DLG2: variants seen among roughly 807,000 people sequenced by gnomAD.
The protein encoded by DLG2 is disks large homolog 2.
A neutral mutation model predicts 132.5 loss-of-function variants in DLG2; 45 were observed. That is an observed-to-expected ratio of 0.34 (90% CI 0.27 to 0.44). The LOEUF (loss-of-function observed/expected upper bound fraction) is 0.44. DLG2 is among the 20% of genes least tolerant of loss of function. DLG2 has a pLI of 1.00. For missense variants in DLG2, 1,045 were observed against 1,196.9 expected (o/e 0.87, Z 1.87); for synonymous variants, 424 against 419.6 (o/e 1.01, Z -0.13).
At chr11:83,613,928 G>A (rs1394894754) in intron 19 of DLG2, among the ~76,000 whole-genome samples, 1 of 152,158 alleles carries the variant, frequency 6.6e-6, no homozygotes, top group Non-Finnish European at 1.5e-5. Flanking sequence ...AGACATCAAG[G>A]TTTTGAAGAG....
At chr11:84,037,502 T>C (rs914934694) in intron 11 of DLG2, among the ~76,000 whole-genome samples, 19 of 152,180 alleles carry the variant, frequency 1.2e-4, no homozygotes, top group African/African-American at 4.6e-4. Flanking sequence ...AGACTGTTTA[T>C]ATAACATATT....
At chr11:85,221,507 C>G (rs2152608637) in intron 4 of DLG2, among the ~76,000 whole-genome samples, 1 of 152,340 alleles carries the variant, frequency 6.6e-6, no homozygotes, top group African/African-American at 2.4e-5. Context: ...CACTATAACT[C>G]AGCATCTTGT....
intron 3 of DLG2, among the ~76,000 whole-genome samples, chr11:85,463,372 T>C (rs2092678611): frequency 6.6e-6 from 1 of 152,122 alleles, no homozygotes; most frequent in South Asian, 2.1e-4. Flanking sequence ...TAGCAGAAAA[T>C]GTCTATGAAA....
chr11:85,618,422 A>T (rs1417507701), intron 2 of DLG2, among the ~76,000 whole-genome samples: 1 of 152,256 alleles, frequency 6.6e-6, no homozygotes, highest in Non-Finnish European at 1.5e-5. Flanking sequence ...GAACAGTGAG[A>T]AATTTACTTA....
chr11:85,356,572 A>G (rs1457983921), intron 3 of DLG2, among the ~76,000 whole-genome samples: 2 of 152,212 alleles, frequency 1.3e-5, no homozygotes, highest in Non-Finnish European at 2.9e-5. Flanking sequence ...TTCACTTACA[A>G]CAAAGAATGA....
intron 6 of DLG2, among the ~76,000 whole-genome samples, chr11:85,107,927 TAAAAAAAAAAA>T (rs5793156): frequency 2.3e-4 from 6 of 26,276 alleles, no homozygotes; most frequent in East Asian, 2.8e-3. Flanking sequence ...GGACAAGTCT[TAAAAAAAAAAA>T]AAAAAAAAAA....
At chr11:84,028,058 A>G (rs2095588491) in intron 11 of DLG2, among the ~76,000 whole-genome samples, 1 of 151,974 alleles carries the variant, frequency 6.6e-6, no homozygotes, top group South Asian at 2.1e-4. Flanking sequence ...AGATTAAAAA[A>G]AAAAAAAACA....
At chr11:83,808,651 T>C (rs2046513602) in intron 17 of DLG2, among the ~76,000 whole-genome samples, 1 of 152,166 alleles carries the variant, frequency 6.6e-6, no homozygotes, top group Non-Finnish European at 1.5e-5. Flanking sequence ...TAAATCATCA[T>C]CCTCTATCTT....
intron 18 of DLG2, among the ~76,000 whole-genome samples, chr11:83,651,109 G>T (rs1372043944): frequency 6.6e-6 from 1 of 151,968 alleles, no homozygotes; most frequent in Non-Finnish European, 1.5e-5. Flanking sequence ...ACTCTATGGA[G>T]GAAGACATTA....
intron 6 of DLG2, among the ~76,000 whole-genome samples, chr11:84,998,081 A>G (rs1312836680): frequency 2.0e-5 from 3 of 151,994 alleles, no homozygotes; most frequent in Non-Finnish European, 2.9e-5. Context: ...ATGGTACCTC[A>G]TATTTGCTGC....
chr11:85,322,279 T>C (rs1274504670), intron 3 of DLG2, among the ~76,000 whole-genome samples: 2 of 152,132 alleles, frequency 1.3e-5, no homozygotes, highest in Non-Finnish European at 2.9e-5. Context: ...TTATATTCCT[T>C]GGTCCATCAC....
intron 8 of DLG2, among the ~76,000 whole-genome samples, chr11:84,202,798 C>A (rs944974384): frequency 2.6e-5 from 4 of 152,004 alleles, no homozygotes; most frequent in Admixed American, 6.6e-5. Flanking sequence ...AAAAAGTGGG[C>A]AAAGTACAAG....
chr11:83,832,799 T>C (rs1267008623), intron 17 of DLG2, among the ~76,000 whole-genome samples: 2 of 152,202 alleles, frequency 1.3e-5, no homozygotes, highest in Non-Finnish European at 2.9e-5. Flanking sequence ...GCTTAATACA[T>C]TGTTGCTGAT....
At chr11:84,935,801 C>T (rs1742297846) in intron 6 of DLG2, among the ~76,000 whole-genome samples, 1 of 152,186 alleles carries the variant, frequency 6.6e-6, no homozygotes, top group Non-Finnish European at 1.5e-5. Flanking sequence ...TTCCCTTCTA[C>T]CTGTACCCCA....
chr11:85,024,108 T>C (rs568880463), intron 6 of DLG2, among the ~76,000 whole-genome samples: 2 of 152,260 alleles, frequency 1.3e-5, no homozygotes, highest in African/African-American at 4.8e-5. Flanking sequence ...AAAAGTGGAT[T>C]ATAATTAAAC....
chr11:84,227,681 G>A (rs1374172543), intron 8 of DLG2, among the ~76,000 whole-genome samples: 2 of 152,048 alleles, frequency 1.3e-5, no homozygotes, highest in Non-Finnish European at 2.9e-5. Context: ...CAGCACTTTG[G>A]GAGGCCAATG....
chr11:85,350,068 C>A (rs1432172105), intron 3 of DLG2, among the ~76,000 whole-genome samples: 1 of 152,212 alleles, frequency 6.6e-6, no homozygotes, highest in Non-Finnish European at 1.5e-5. Flanking sequence ...TCCTGTCCAG[C>A]ATCTGTTGTT....
rs142216897 is a variant in DLG2, at chr11:85,096,184, A to G, written c.357+15477T>C. ...CAATCAGCAGGATGTGGGCGGGGCC[A>G]AATAAGGGAATAAAAGCTGGCCACC... is the stretch of plus-strand genomic sequence containing the variant. On this transcript the variant is annotated intron_variant, in intron 6 of 27. Coordinates refer to ENST00000376104, the MANE Select transcript of DLG2 (RefSeq NM_001142699.3). Among the ~76,000 whole-genome samples, 16 of 152,342 alleles carry G rather than the reference A, an allele frequency of 1.1e-4. No individual in the cohort carries two copies. The East Asian group carries it at 2.9e-3, about 28-fold the overall frequency.
chr11:84,446,601 C>T (rs2099035789), intron 7 of DLG2, among the ~76,000 whole-genome samples: 1 of 151,636 alleles, frequency 6.6e-6, no homozygotes, highest in African/African-American at 2.4e-5. Flanking sequence ...ACTCTCCCCA[C>T]AAAATAGGGT....
Sources: allele counts gnomAD v4.1 joint callset (sites outside exome capture counted in the v4.1 genomes callset), GRCh38; gene constraint gnomAD v4.1.1; transcripts MANE v1.5; gene names NCBI Gene and HGNC (gene_info 2026-07-23, HGNC 2026-07-21).